HS6ST3: variants seen among roughly 807,000 people sequenced by gnomAD.
HS6ST3 encodes heparan sulfate 6-O-sulfotransferase 3, also known as heparan-sulfate 6-O-sulfotransferase 3.
Under a neutral mutation model 36.7 loss-of-function variants are expected in HS6ST3, and 12 were observed. That is an observed-to-expected ratio of 0.33 (90% CI 0.21 to 0.53). The LOEUF (loss-of-function observed/expected upper bound fraction) is 0.53, where lower values mean the gene tolerates loss of function less well. HS6ST3 is among the 20% of genes least tolerant of loss of function. The probability of loss-of-function intolerance (pLI) is 0.95; values close to 1 mark genes in which losing one functional copy is unlikely to be tolerated. For missense variants in HS6ST3, 584 were observed against 640.9 expected, an observed-to-expected ratio of 0.91 and a Z score of 0.96; for synonymous variants, 240 against 257.5, an observed-to-expected ratio of 0.93 and a Z score of 0.65.
intron 1 of HS6ST3, among the ~76,000 whole-genome samples, chr13:96,488,506 C>A (rs1358369607): frequency 1.3e-5 from 2 of 151,922 alleles, no homozygotes; most frequent in Non-Finnish European, 2.9e-5. Flanking sequence ...TCATCATTCT[C>A]TGTTGGCTTA....
intron 1 of HS6ST3, among the ~76,000 whole-genome samples, chr13:96,466,848 G>T (rs2055816814): frequency 6.6e-6 from 1 of 152,194 alleles, no homozygotes; most frequent in Admixed American, 6.5e-5. Flanking sequence ...GAAATCTCCT[G>T]TGATGAGACA....
At chr13:96,486,373 A>T (rs2055914759) in intron 1 of HS6ST3, among the ~76,000 whole-genome samples, 1 of 152,066 alleles carries the variant, frequency 6.6e-6, no homozygotes, top group Non-Finnish European at 1.5e-5. Flanking sequence ...TCCTTTGGGT[A>T]TTTACCCAGT....
chr13:96,226,292 G>A lies in HS6ST3; in HGVS notation c.707+134723G>A, dbSNP rs183720247. Among the ~76,000 whole-genome samples, 68 of 152,228 alleles carry A rather than the reference G, an allele frequency of 4.5e-4. 3 individuals carry two copies. In the East Asian group the frequency reaches 6.9e-3, roughly 16 times the overall value. On this transcript the variant is annotated intron_variant, in intron 1 of 1. Coordinates refer to ENST00000376705, the MANE Select transcript of HS6ST3 (RefSeq NM_153456.4). ...TCTGAACACTTTGGGATGCCAAGGCGGGCAGATCACCTGAGGTTGGGAGTT... is the reference window on the plus strand; with the variant it reads ...TCTGAACACTTTGGGATGCCAAGGCAGGCAGATCACCTGAGGTTGGGAGTT...
intron 1 of HS6ST3, among the ~76,000 whole-genome samples, chr13:96,309,015 A>G (rs1451880025): frequency 6.6e-6 from 1 of 152,166 alleles, no homozygotes; most frequent in African/African-American, 2.4e-5. Flanking sequence ...ATAGACTTCA[A>G]CTGTGGAAAA....
chr13:96,717,171 G>A (rs934233257), intron 1 of HS6ST3, among the ~76,000 whole-genome samples: 6 of 152,206 alleles, frequency 3.9e-5, no homozygotes, highest in African/African-American at 1.4e-4. Context: ...TGAAAGGGAT[G>A]TAGTCAAGAA....
intron 1 of HS6ST3, among the ~76,000 whole-genome samples, chr13:96,604,321 T>A (rs2056431295): frequency 3.3e-5 from 5 of 152,330 alleles, no homozygotes; most frequent in East Asian, 3.9e-4. Flanking sequence ...AAATATTTTT[T>A]AAAATAGAGT....
At chr13:96,277,088 G>C (rs1348420881) in intron 1 of HS6ST3, among the ~76,000 whole-genome samples, 2 of 152,184 alleles carry the variant, frequency 1.3e-5, no homozygotes, top group East Asian at 1.9e-4. Flanking sequence ...GCCTGGGACA[G>C]ATTCCACCAC....
intron 1 of HS6ST3, among the ~76,000 whole-genome samples, chr13:96,488,940 T>C (rs564343767): frequency 1.3e-3 from 195 of 152,162 alleles, no homozygotes; most frequent in African/African-American, 4.5e-3. Flanking sequence ...TTGTCAAGAA[T>C]GTACATACCA....
intron 1 of HS6ST3, among the ~76,000 whole-genome samples, chr13:96,681,920 G>A (rs900952009): frequency 6.6e-6 from 1 of 151,938 alleles, no homozygotes; most frequent in African/African-American, 2.4e-5. Flanking sequence ...TTAGTATTCT[G>A]TTCAAACATT....
intron 1 of HS6ST3, among the ~76,000 whole-genome samples, chr13:96,665,206 A>G (rs1186351563): frequency 6.6e-6 from 1 of 152,118 alleles, no homozygotes; most frequent in Non-Finnish European, 1.5e-5. Flanking sequence ...AAGGCCAAAA[A>G]GAAGCATTTG....
At chr13:96,197,334 A>G (rs1039917831) in intron 1 of HS6ST3, among the ~76,000 whole-genome samples, 1 of 152,198 alleles carries the variant, frequency 6.6e-6, no homozygotes, top group Non-Finnish European at 1.5e-5. Context: ...TATCGTGAGA[A>G]TAGCACAGGA....
rs766820655 is a variant in HS6ST3 at position 96,802,971 on chromosome 13, T to C, written c.708-29519T>C. Among the ~76,000 whole-genome samples the C allele has an allele frequency of 2.6e-5, 4 of 152,306 alleles. No individual in the cohort carries two copies. The South Asian group carries it at 8.3e-4, about 32-fold the overall frequency. ...TTGTCCAAGCTCACACATCAGTACA[T>C]AACCTCCCTCATCCCCAATAACGTG... On this transcript the variant is annotated intron_variant, in intron 1 of 1. Coordinates refer to ENST00000376705, the MANE Select transcript of HS6ST3 (RefSeq NM_153456.4).
At chr13:96,668,168 G>T (rs1004256863) in intron 1 of HS6ST3, among the ~76,000 whole-genome samples, 4 of 151,482 alleles carry the variant, frequency 2.6e-5, no homozygotes, top group African/African-American at 9.7e-5. Flanking sequence ...TCTCACACAC[G>T]CATACACACA....
chr13:96,770,740 C>G (rs1367881950), intron 1 of HS6ST3, among the ~76,000 whole-genome samples: 5 of 152,198 alleles, frequency 3.3e-5, no homozygotes, highest in Admixed American at 3.3e-4. Context: ...TTTCATCAAG[C>G]TTGAGTTGGA....
chr13:96,513,521 A>G (rs1390194216), intron 1 of HS6ST3, among the ~76,000 whole-genome samples: 1 of 152,036 alleles, frequency 6.6e-6, no homozygotes, highest in Middle Eastern at 3.2e-3. Flanking sequence ...TCTAGTTTTT[A>G]TAAGTTTGTA....
At position 96,644,456 on chromosome 13, in the gene HS6ST3, T is replaced by C. The variant is rs575743126; in HGVS notation, c.708-188034T>C. On this transcript the variant is annotated intron_variant, in intron 1 of 1. Transcript: ENST00000376705. ...TTAAGGAAAAGAAGCCCTTGAAATA[T>C]CGGAAATAGCATTATACAGGCAATA... 6.6e-5 allele frequency among the ~76,000 whole-genome samples: 10 copies of C among 152,108 alleles called. 1 individual carries two copies. Among genetic ancestry groups the C allele is most frequent in the African/African-American group, 2.4e-4 (10 of 41,532 alleles).
intron 1 of HS6ST3, among the ~76,000 whole-genome samples, chr13:96,767,981 A>T (rs1159209703): frequency 6.6e-6 from 1 of 152,202 alleles, no homozygotes; most frequent in Non-Finnish European, 1.5e-5. Context: ...GGAAGCCGTT[A>T]TACTTTTGCT....
At chr13:96,411,470 A>G (rs938945307) in intron 1 of HS6ST3, among the ~76,000 whole-genome samples, 2 of 152,198 alleles carry the variant, frequency 1.3e-5, no homozygotes, top group East Asian at 1.9e-4. Context: ...CTGGTAATAC[A>G]AACATTTTGG....
chr13:96,469,866 AC>A (rs1594787053), intron 1 of HS6ST3, among the ~76,000 whole-genome samples: 1 of 152,178 alleles, frequency 6.6e-6, no homozygotes, highest in African/African-American at 2.4e-5. Flanking sequence ...TACAACACTT[AC>A]AAAAATTTCT....
Sources: allele counts gnomAD v4.1 joint callset (sites outside exome capture counted in the v4.1 genomes callset), GRCh38; gene constraint gnomAD v4.1.1; transcripts MANE v1.5; gene names NCBI Gene and HGNC (gene_info 2026-07-23, HGNC 2026-07-21).